The following TAFA1 variants were observed in gnomAD, a reference collection of about 807,000 sequenced individuals.
TAFA1 encodes chemokine-like protein TAFA-1.
TAFA1 carries 4 observed loss-of-function variants against 18.5 expected under a neutral mutation model. The ratio of observed to expected loss-of-function variants is 0.22; its 90% CI spans 0.11 to 0.49. The LOEUF is 0.49. TAFA1 is among the 20% of genes least tolerant of loss of function. The probability of loss-of-function intolerance (pLI) is 0.98; values close to 1 mark genes in which losing one functional copy is unlikely to be tolerated. For synonymous variants in TAFA1, 56 were observed against 55.2 expected, an observed-to-expected ratio of 1.01 and a Z score of -0.06; for missense variants, 147 against 169.0, an observed-to-expected ratio of 0.87 and a Z score of 0.72.
chr3:67,997,696 G>A, the TAFA1 span, among the ~76,000 whole-genome samples: 1 of 151,546 alleles, frequency 6.6e-6, no homozygotes. Context: ...AAGTTAATAG[G>A]ACTTAAGCCC....
chr3:68,381,072 A>G (rs1456077904), intron 2 of TAFA1, among the ~76,000 whole-genome samples: 1 of 41,670 alleles, frequency 2.4e-5, no homozygotes, highest in Non-Finnish European at 4.6e-5. Context: ...CAAAGACCAG[A>G]TAGTTGTAGA....
At chr3:68,312,386 G>T (rs548367859) in intron 2 of TAFA1, among the ~76,000 whole-genome samples, 1 of 152,050 alleles carries the variant, frequency 6.6e-6, no homozygotes, top group East Asian at 1.9e-4. Context: ...TTTATGCTTT[G>T]CTTTCCTTAT....
intron 2 of TAFA1, among the ~76,000 whole-genome samples, chr3:68,053,286 C>A (rs767803657): frequency 6.6e-6 from 1 of 152,050 alleles, no homozygotes; most frequent in Non-Finnish European, 1.5e-5. Flanking sequence ...GATGGAGGAG[C>A]CAAGGAGAAC....
chr3:68,123,910 A>G (rs2065432598), intron 2 of TAFA1, among the ~76,000 whole-genome samples: 1 of 102,958 alleles, frequency 9.7e-6, no homozygotes, highest in African/African-American at 3.5e-5. Context: ...AAAAAAAAAA[A>G]AAAAAAAAAG....
At chr3:68,536,732 C>T (rs1277795009) in intron 3 of TAFA1, among the ~76,000 whole-genome samples, 2 of 152,112 alleles carry the variant, frequency 1.3e-5, no homozygotes, top group Admixed American at 6.6e-5. Flanking sequence ...AAAATGTGTG[C>T]TGTAAATATT....
chr3:68,220,768 A>T (rs1223867870), intron 2 of TAFA1, among the ~76,000 whole-genome samples: 1 of 152,070 alleles, frequency 6.6e-6, no homozygotes, highest in African/African-American at 2.4e-5. Context: ...ATGTTCACTG[A>T]GTAATATTCC....
intron 2 of TAFA1, among the ~76,000 whole-genome samples, chr3:68,279,370 A>T (rs550760314): frequency 1.3e-5 from 2 of 152,228 alleles, no homozygotes; most frequent in Non-Finnish European, 2.9e-5. Flanking sequence ...TTCTTGGATG[A>T]TGCACAGGTG....
intron 3 of TAFA1, among the ~76,000 whole-genome samples, chr3:68,537,616 T>C (rs981320647): frequency 5.9e-5 from 9 of 152,296 alleles, no homozygotes; most frequent in African/African-American, 2.2e-4. Flanking sequence ...GAAAGCCTGG[T>C]TGTATCAGTG....
chr3:68,243,587 G>A (rs886808913), intron 2 of TAFA1, among the ~76,000 whole-genome samples: 1 of 152,038 alleles, frequency 6.6e-6, no homozygotes, highest in Non-Finnish European at 1.5e-5. Context: ...TTCATGCAGC[G>A]TAATTTCCTT....
intron 2 of TAFA1, among the ~76,000 whole-genome samples, chr3:68,405,652 A>C (rs1010993223): frequency 7.5e-5 from 10 of 133,802 alleles, no homozygotes; most frequent in African/African-American, 2.7e-4. Context: ...GTGAGCTGTG[A>C]TCATGCTACT....
intron 2 of TAFA1, among the ~76,000 whole-genome samples, chr3:68,142,341 G>A (rs914126689): frequency 6.6e-6 from 1 of 152,168 alleles, no homozygotes; most frequent in African/African-American, 2.4e-5. Context: ...TCAAAACCAT[G>A]CGTCTTATTT....
intron 2 of TAFA1, among the ~76,000 whole-genome samples, chr3:68,110,863 G>T (rs2065254646): frequency 6.6e-6 from 1 of 152,164 alleles, no homozygotes; most frequent in Admixed American, 6.5e-5. Context: ...ACCATTGGTG[G>T]GTTCTATTAT....
chr3:68,292,913 T>A (rs1237963943), intron 2 of TAFA1, among the ~76,000 whole-genome samples: 1 of 152,194 alleles, frequency 6.6e-6, no homozygotes. Context: ...AATCACTTCC[T>A]TATTCTTATC....
chr3:68,214,977 G>A (rs1246000550), intron 2 of TAFA1, among the ~76,000 whole-genome samples: 2 of 151,862 alleles, frequency 1.3e-5, no homozygotes, highest in Non-Finnish European at 2.9e-5. Context: ...ATATACTGTT[G>A]CTGATCTGTG....
At chr3:68,164,569 C>T (rs2065961058) in intron 2 of TAFA1, among the ~76,000 whole-genome samples, 1 of 151,464 alleles carries the variant, frequency 6.6e-6, no homozygotes, top group Non-Finnish European at 1.5e-5. Flanking sequence ...TTTTTATGCA[C>T]CTTTGCTTTT....
chr3:68,441,539 A>G (rs937200245), intron 3 of TAFA1, among the ~76,000 whole-genome samples: 2 of 152,146 alleles, frequency 1.3e-5, no homozygotes, highest in Non-Finnish European at 1.5e-5. Flanking sequence ...CCTATCATGA[A>G]CTGGGTACTT....
At chr3:68,304,196 T>A (rs2068363890) in intron 2 of TAFA1, among the ~76,000 whole-genome samples, 1 of 152,210 alleles carries the variant, frequency 6.6e-6, no homozygotes, top group Non-Finnish European at 1.5e-5. Context: ...GTGATTTAAA[T>A]GATATATACT....
intron 2 of TAFA1, among the ~76,000 whole-genome samples, chr3:68,279,057 C>G (rs1384276981): frequency 6.6e-6 from 1 of 152,104 alleles, no homozygotes; most frequent in Non-Finnish European, 1.5e-5. Flanking sequence ...ATTTGAGTAT[C>G]AGGTCCTCAG....
chr3:68,247,738 C>T (rs994745268), intron 2 of TAFA1: 3 of 152,210 alleles, frequency 2.0e-5, no homozygotes, highest in Non-Finnish European at 4.4e-5. Flanking sequence ...AACAGCAACA[C>T]GATTCATGAC....
Sources: allele counts gnomAD v4.1 joint callset (sites outside exome capture counted in the v4.1 genomes callset), GRCh38; gene constraint gnomAD v4.1.1; transcripts MANE v1.5; gene names NCBI Gene and HGNC (gene_info 2026-07-23, HGNC 2026-07-21).